The following KIF23 variants were observed in gnomAD, a reference collection of about 807,000 sequenced individuals.
KIF23 encodes kinesin-like protein KIF23.
A neutral mutation model predicts 137.5 loss-of-function variants in KIF23; 30 were observed. The observed-to-expected ratio is 0.22, with a 90% CI of 0.16 to 0.30. KIF23 has a LOEUF of 0.30. Among genes scored for constraint, KIF23 ranks in the 10% least tolerant of loss-of-function variants. KIF23 has a pLI of 1.00. For missense variants in KIF23, 920 were observed against 1,194.3 expected (o/e 0.77, Z 3.38); for synonymous variants, 367 against 391.1 (o/e 0.94, Z 0.73).
At chr15:69,443,884 A>G (rs950067223) in intron 19 of KIF23, 4 of 151,606 alleles carry the variant, frequency 2.6e-5, no homozygotes, top group Middle Eastern at 3.2e-3. Flanking sequence ...GGCTCAAGCA[A>G]TCCTCCCACC....
At chr15:69,447,067 T>C in intron 23 of KIF23, 126 bp downstream of exon 23, 2 of 896,674 alleles carry the variant, frequency 2.2e-6, no homozygotes, top group Admixed American at 2.0e-5. Context: ...GGTTTTCCCC[T>C]TGGACTATCT....
chr15:69,426,381 C>G lies in KIF23; in HGVS notation c.935C>G (p.Ser312Cys), dbSNP rs2057192017. ...RIANTHLNRESSRSHSVFNIK... is the reference protein window; with the variant it reads ...RIANTHLNRECSRSHSVFNIK... ...GCTAATACCCATTTGAATCGTGAGT[C>G]CAGCCGTTCCCATAGCGTGTTCAAC... Residue 312 changes from serine to cysteine, a missense_variant, in exon 10 of 24, where the codon TCC becomes TGC. Around this residue, in one of 4 missense-constraint regions of KIF23, gnomAD observed 714 missense variants for 866.2 expected, o/e 0.82. Coordinates refer to ENST00000679126, the MANE Select transcript of KIF23 (RefSeq NM_001367805.3). 6.2e-7 allele frequency: 1 copy of G among 1,613,908 alleles called. No homozygotes were observed. The highest frequency in any genetic ancestry group is 8.5e-7 in the Non-Finnish European group (1 of 1,179,912).
chr15:69,438,919 C>T (rs1265362073), intron 16 of KIF23, among the ~76,000 whole-genome samples: 3 of 151,896 alleles, frequency 2.0e-5, no homozygotes, highest in Admixed American at 6.6e-5. Flanking sequence ...GACCGGGCAA[C>T]GTGGCGAAAC....
At chr15:69,414,742 G>A (rs1039582434) in intron 1 of KIF23, 3 of 382,192 alleles carry the variant, frequency 7.8e-6, no homozygotes, top group African/African-American at 6.3e-5. Flanking sequence ...CCCGGAGCCG[G>A]GGTTGTTTTA....
At chr15:69,443,365 G>A (rs2057671121) in intron 19 of KIF23, among the ~76,000 whole-genome samples, 1 of 93,450 alleles carries the variant, frequency 1.1e-5, no homozygotes, top group South Asian at 3.8e-4. Flanking sequence ...TTGAGATGAG[G>A]TCTTGATCTG....
chr15:69,420,140 T>G (rs183003718), intron 3 of KIF23, among the ~76,000 whole-genome samples: 6 of 152,186 alleles, frequency 3.9e-5, no homozygotes, highest in African/African-American at 1.4e-4. Context: ...GGCATGCGCC[T>G]GTAATCACAG....
chr15:69,438,415 G>T lies in KIF23; in HGVS notation c.1755+10G>T. 6.3e-7 allele frequency: 1 copy of T among 1,597,984 alleles called. No individual in the cohort carries two copies. Among genetic ancestry groups the T allele is most frequent in the South Asian group, 1.1e-5 (1 of 88,628 alleles). ...AACTTTAGAATATAAGGTTTGTTTTGACATTATTATGATAGATGTATGTGC... is the reference window on the plus strand; with the variant it reads ...AACTTTAGAATATAAGGTTTGTTTTTACATTATTATGATAGATGTATGTGC... On this transcript the variant is annotated intron_variant, in intron 16 of 23. Transcript: ENST00000679126.
intron 19 of KIF23, among the ~76,000 whole-genome samples, chr15:69,443,331 T>TG: frequency 9.1e-6 from 1 of 109,630 alleles, no homozygotes; most frequent in Non-Finnish European, 1.8e-5. Flanking sequence ...TTTGGGTTTT[T>TG]TTTTTTTTTT....
intron 7 of KIF23, 55 bp from the exon 8 acceptor site, chr15:69,425,224 ATGT>A: frequency 7.6e-7 from 1 of 1,317,786 alleles, no homozygotes; most frequent in Non-Finnish European, 1.1e-6. Flanking sequence ...TGGACTGAAC[ATGT>A]TGGTGTGAGA....
At chr15:69,426,734 A>G in intron 10 of KIF23, 1 of 338,178 alleles carries the variant, frequency 3.0e-6, no homozygotes. Context: ...AAAAAAGTTA[A>G]ATTAGAGAGG....
At chr15:69,433,709 A>ATATTT (rs1320221157) in intron 11 of KIF23, among the ~76,000 whole-genome samples, 1 of 152,042 alleles carries the variant, frequency 6.6e-6, no homozygotes, top group East Asian at 1.9e-4. Flanking sequence ...CTTAGAGAAT[A>ATATTT]TATTTTATTT....
chr15:69,422,810 T>G, intron 6 of KIF23: 1 of 260,298 alleles, frequency 3.8e-6, no homozygotes, highest in Non-Finnish European at 7.2e-6. Context: ...GTTACTTTTT[T>G]TTTTTTTTGA....
chr15:69,441,506 C>G (rs2057620144), intron 19 of KIF23, among the ~76,000 whole-genome samples: 2 of 152,092 alleles, frequency 1.3e-5, no homozygotes, highest in African/African-American at 4.8e-5. Flanking sequence ...TGAAAAATTT[C>G]AGACCCAAAG....
chr15:69,415,808 T>G (rs1270670109), intron 1 of KIF23, among the ~76,000 whole-genome samples, 186 bp from the exon 2 acceptor site: 1 of 152,178 alleles, frequency 6.6e-6, no homozygotes, highest in Non-Finnish European at 1.5e-5. Flanking sequence ...TTAATTACTT[T>G]TGGATTACGC....
chr15:69,416,776 G>A lies in KIF23; in HGVS notation c.82-607G>A, dbSNP rs186093234. 4.1e-3 allele frequency among the ~76,000 whole-genome samples: 627 copies of A among 152,120 alleles called. 12 individuals carry two copies. The highest frequency in any genetic ancestry group is 0.038 in the East Asian group (197 of 5,152). ...TCGAGACCAGCCTGGCCAACATGGC[G>A]AAACCCTGTCTCTACTAAAATTACA... is the stretch of plus-strand genomic sequence containing the variant. On this transcript the variant is annotated intron_variant, in intron 2 of 23. Coordinates refer to ENST00000679126, the MANE Select transcript of KIF23 (RefSeq NM_001367805.3).
chr15:69,440,319 G>A lies in KIF23; in HGVS notation c.1941G>A (p.Val647=), dbSNP rs1429647525. Residue 647 remains valine, a synonymous_variant, in exon 18 of 24, where the codon GTG becomes GTA. Transcript: ENST00000679126. ...MKWEKECERR[V]AAKQLEMQNK... ...CTGATAATCTGTAGGAGCGTAGAGT[G>A]GCAGCCAAACAGCTGGAGATGCAGA... 6.2e-7 allele frequency: 1 copy of A among 1,612,882 alleles called. No homozygotes were observed. The highest frequency in any genetic ancestry group is 2.2e-5 in the East Asian group (1 of 44,838).
At chr15:69,421,490 T>C (rs2057054858) in intron 3 of KIF23, among the ~76,000 whole-genome samples, 157 bp from the exon 4 acceptor site, 1 of 152,254 alleles carries the variant, frequency 6.6e-6, no homozygotes, top group South Asian at 2.1e-4. Context: ...TTTTAGTAAC[T>C]AAATAACTAA....
At chr15:69,442,502 A>G (rs2057645213) in intron 19 of KIF23, among the ~76,000 whole-genome samples, 1 of 152,204 alleles carries the variant, frequency 6.6e-6, no homozygotes, top group East Asian at 1.9e-4. Flanking sequence ...GTATAGATGA[A>G]TGTTCATTTA....
chr15:69,430,105 T>C (rs566300933), intron 11 of KIF23, among the ~76,000 whole-genome samples: 1 of 152,264 alleles, frequency 6.6e-6, no homozygotes, highest in African/African-American at 2.4e-5. Context: ...TTATTAGTGG[T>C]AAAAATTGGC....
Sources: allele counts gnomAD v4.1 joint callset (sites outside exome capture counted in the v4.1 genomes callset), GRCh38; gene constraint gnomAD v4.1.1; regional missense constraint gnomAD v4.1.1; transcripts MANE v1.5; gene names NCBI Gene and HGNC (gene_info 2026-07-23, HGNC 2026-07-21).